The following MAIP1 variants were observed in gnomAD, a reference collection of about 807,000 sequenced individuals.
MAIP1 encodes m-AAA protease-interacting protein 1, mitochondrial.
Under a neutral mutation model 31.2 loss-of-function variants are expected in MAIP1, and 28 were observed. The ratio of observed to expected loss-of-function variants is 0.90; its 90% CI spans 0.67 to 1.23. The LOEUF (loss-of-function observed/expected upper bound fraction) is 1.23. Ranked by LOEUF, MAIP1 falls within the 50% of genes most tolerant of loss-of-function variation. The probability of loss-of-function intolerance (pLI) is 0.00; values close to 1 mark genes in which losing one functional copy is unlikely to be tolerated. For synonymous variants in MAIP1, 142 were observed against 142.3 expected, an observed-to-expected ratio of 1.00 and a Z score of 0.02; for missense variants, 339 against 356.0, an observed-to-expected ratio of 0.95 and a Z score of 0.38.
Position 199,964,106 on chromosome 2 carries a change from T to C in MAIP1, c.*295T>C, listed in dbSNP as rs1033187307. 4 of 181,714 alleles carry C rather than the reference T, an allele frequency of 2.2e-5. No individual in the cohort carries two copies. The highest frequency in any genetic ancestry group is 9.5e-5 in the African/African-American group (4 of 42,328). The allele number at this position is 181,714 out of a possible 1,614,324, so 11.3% of individuals were successfully genotyped here. On this transcript the variant is annotated 3_prime_UTR_variant, in exon 5 of 5. Coordinates refer to ENST00000392290, the MANE Select transcript of MAIP1 (RefSeq NM_001394955.1). The stretch of plus-strand genomic sequence containing the variant: ...TTTTATAGACATAATAAAGAAGGTA[T>C]TGAAAAAACTACTTACAAATTTCTT...
Position 199,961,847 on chromosome 2 carries a change from CT to C in MAIP1, c.719del (p.Leu240Ter). The C allele has an allele frequency of 1.2e-6, 2 of 1,613,994 alleles. No homozygotes were observed. Among genetic ancestry groups the C allele is most frequent in the Non-Finnish European group, 1.7e-6 (2 of 1,179,900 alleles). On this transcript the variant is annotated frameshift_variant, in exon 4 of 5. Coordinates refer to ENST00000392290, the MANE Select transcript of MAIP1 (RefSeq NM_001394955.1). LOFTEE classifies it high-confidence loss of function. ...YLTSANIPSETLRGASVFQVK... is the reference protein window; with the variant it reads ...YLTSANIPSEXLRGASVFQVK... ...ACCAGTGCCAACATCCCCAGTGAAA[CT>C]TTAAGAGGAGCCAGTGTATTCCAGG...
intron 1 of MAIP1, among the ~76,000 whole-genome samples, chr2:199,957,009 G>T (rs1483441654): frequency 2.0e-5 from 3 of 147,582 alleles, no homozygotes; most frequent in African/African-American, 7.4e-5. Context: ...CTTGGGTCCT[G>T]AGATTATTTG....
intron 2 of MAIP1, 147 bp downstream of exon 2, chr2:199,959,486 G>A: frequency 1.6e-6 from 1 of 628,070 alleles, no homozygotes; most frequent in South Asian, 2.0e-5. Flanking sequence ...GGGTACTTTG[G>A]GTCATATAAA....
intron 3 of MAIP1, among the ~76,000 whole-genome samples, chr2:199,961,211 C>A (rs1008620836): frequency 6.6e-6 from 1 of 152,074 alleles, no homozygotes; most frequent in African/African-American, 2.4e-5. Flanking sequence ...ACTTGTAATC[C>A]TAGCATTTTG....
At chr2:199,962,495 GC>G (rs1259135269) in intron 4 of MAIP1, among the ~76,000 whole-genome samples, 2 of 152,174 alleles carry the variant, frequency 1.3e-5, no homozygotes, top group African/African-American at 4.8e-5. Flanking sequence ...AAAGGGCTAT[GC>G]CCAGAATTAG....
Position 199,955,587 on chromosome 2 carries a change from CCA to C in MAIP1, c.-211_-210del. The C allele has an allele frequency of 7.3e-7, 1 of 1,378,078 alleles. No individual in the cohort carries two copies. Among genetic ancestry groups the C allele is most frequent in the Non-Finnish European group, 9.9e-7 (1 of 1,012,696 alleles). The allele number at this position is 1,378,078 out of a possible 1,614,324, so 85.4% of individuals were successfully genotyped here. Reference sequence around the variant, plus strand: ...AAAAGGTCCGCGAGGCCGGCAGACTCCAGAGTGGCTGGGTCCGAGCGCGGGGC... The same window carrying C: ...AAAAGGTCCGCGAGGCCGGCAGACTCGAGTGGCTGGGTCCGAGCGCGGGGC... On this transcript the variant is annotated 5_prime_UTR_variant, in exon 1 of 5. Coordinates refer to ENST00000392290, the MANE Select transcript of MAIP1 (RefSeq NM_001394955.1).
chr2:199,961,731 T>C, intron 3 of MAIP1, 50 bp from the exon 4 acceptor site: 1 of 1,513,700 alleles, frequency 6.6e-7, no homozygotes, highest in Non-Finnish European at 9.0e-7. Flanking sequence ...ATATGGATGA[T>C]AGATTATTTT....
chr2:199,960,653 A>G (rs1031967763), intron 3 of MAIP1, among the ~76,000 whole-genome samples: 1 of 152,254 alleles, frequency 6.6e-6, no homozygotes, highest in Admixed American at 6.5e-5. Context: ...GAGATGATTT[A>G]AAGTATACTG....
chr2:199,963,538 G>A (rs1223509173), intron 4 of MAIP1, among the ~76,000 whole-genome samples, 195 bp from the exon 5 acceptor site: 2 of 152,136 alleles, frequency 1.3e-5, no homozygotes, highest in African/African-American at 2.4e-5. Context: ...ACTTGAGAAT[G>A]TACTTCAATT....
rs760516868 is a variant in MAIP1 at position 199,955,924 on chromosome 2, C to A, written c.126C>A (p.Phe42Leu). 1.3e-6 allele frequency: 2 copies of A among 1,598,706 alleles called. No individual in the cohort carries two copies. Among genetic ancestry groups the A allele is most frequent in the East Asian group, 2.2e-5 (1 of 44,628 alleles). ...VRLPSATLCY[F>L]CRCRLGLGAA... ...TGCCGTCGGCCACACTTTGCTACTT[C>A]TGCCGCTGTCGCCTCGGCTTGGGAG... is the stretch of plus-strand genomic sequence containing the variant. The change falls in exon 1 of 5, where the codon TTC becomes TTA. Residue 42 changes from phenylalanine to leucine, a missense_variant. Coordinates refer to ENST00000392290, the MANE Select transcript of MAIP1 (RefSeq NM_001394955.1).
chr2:199,956,673 A>G (rs1255913483), intron 1 of MAIP1, among the ~76,000 whole-genome samples: 1 of 152,266 alleles, frequency 6.6e-6, no homozygotes, highest in Non-Finnish European at 1.5e-5. Flanking sequence ...TGCTGAATAC[A>G]TTAATAAATG....
At chr2:199,955,495 A>G (rs1294294084), upstream of MAIP1, 9 of 1,611,114 alleles carry the variant, frequency 5.6e-6, no homozygotes, top group South Asian at 1.1e-5. Context: ...GCCCTCTTCC[A>G]GGTCTTCGGA....
In MAIP1 at chr2:199,963,841, T is replaced by C. The variant is rs377508003; in HGVS notation, c.*30T>C. The C allele has an allele frequency of 3.1e-5, 45 of 1,444,420 alleles. No homozygotes were observed. Among genetic ancestry groups the C allele is most frequent in the Non-Finnish European group, 4.1e-5 (42 of 1,035,804 alleles). 89.5% of individuals were successfully genotyped at this position (1,444,420 alleles called of 1,614,324 possible). A position where few individuals can be genotyped will look rare whatever the true frequency, so the allele number is the denominator to read the frequency against. On this transcript the variant is annotated 3_prime_UTR_variant, in exon 5 of 5. Coordinates refer to ENST00000392290, the MANE Select transcript of MAIP1 (RefSeq NM_001394955.1). ...CTTGGAAAAATCAGCTTATGGACTT[T>C]AGCAGTTGCTGTGAAAAACTAAGGA... is the stretch of plus-strand genomic sequence containing the variant.
At position 199,964,049 on chromosome 2, in the gene MAIP1, A is replaced by G. The variant is rs1481689726; in HGVS notation, c.*238A>G. On this transcript the variant is annotated 3_prime_UTR_variant, in exon 5 of 5. Coordinates refer to ENST00000392290, the MANE Select transcript of MAIP1 (RefSeq NM_001394955.1). ...AATACAATAGCACGTTGTTGGTGTC[A>G]TATTCAATAACATTTCCAATGCTAC... 4 of 281,408 alleles carry G rather than the reference A, an allele frequency of 1.4e-5. No individual in the cohort carries two copies. The highest frequency in any genetic ancestry group is 5.0e-5 in the Admixed American group (1 of 19,878). The allele number at this position is 281,408 out of a possible 1,614,324, so 17.4% of individuals were successfully genotyped here.
At chr2:199,955,506 A>G (rs1388241141), upstream of MAIP1, 10 of 1,608,132 alleles carry the variant, frequency 6.2e-6, no homozygotes, top group African/African-American at 8.0e-5. Flanking sequence ...GGTCTTCGGA[A>G]CTTCGGCTCT....
intron 4 of MAIP1, among the ~76,000 whole-genome samples, chr2:199,962,314 T>G (rs1314935776): frequency 6.6e-6 from 1 of 152,198 alleles, no homozygotes; most frequent in Non-Finnish European, 1.5e-5. Flanking sequence ...ATTTCCACAG[T>G]GACTTCTTAA....
At chr2:199,956,349 T>A in intron 1 of MAIP1, 101 bp downstream of exon 1, 1 of 931,678 alleles carries the variant, frequency 1.1e-6, no homozygotes, top group Non-Finnish European at 1.6e-6. Flanking sequence ...ATACAAGTGA[T>A]CAAACGTGAT....
In MAIP1 at chr2:199,963,772, GAC is replaced by G. The variant is rs763049180; in HGVS notation, c.838_839del (p.Thr280HisfsTer5). On this transcript the variant is annotated frameshift_variant, in exon 5 of 5. Transcript: ENST00000392290. LOFTEE classifies it high-confidence loss of function. ...EFTQGVKPDW[T>X]IARIEHSKLL... The stretch of plus-strand genomic sequence containing the variant: ...TCACACAAGGAGTAAAGCCTGACTG[GAC>G]CATTGCACGGATTGAACACTCAAAA... The G allele has an allele frequency of 1.2e-5, 19 of 1,610,656 alleles. No homozygotes were observed. The highest frequency in any genetic ancestry group is 1.5e-5 in the Non-Finnish European group (18 of 1,177,300).
rs907165131 is a variant in MAIP1 at position 199,962,180 on chromosome 2, T to C, written c.797+252T>C. 2.6e-4 allele frequency among the ~76,000 whole-genome samples: 40 copies of C among 152,230 alleles called. 1 individual carries two copies. Among genetic ancestry groups the C allele is most frequent in the Admixed American group, 1.6e-3 (24 of 15,278 alleles). Reference sequence around the variant, plus strand: ...GCTTAACAAACTACCCCCAAATTCATTGGCTTCAAACAGCCATTGACTTTG... The same window carrying C: ...GCTTAACAAACTACCCCCAAATTCACTGGCTTCAAACAGCCATTGACTTTG... On this transcript the variant is annotated intron_variant, in intron 4 of 4. Coordinates refer to ENST00000392290, the MANE Select transcript of MAIP1 (RefSeq NM_001394955.1).
Sources: gnomAD v4.1 joint callset for allele counts (sites outside exome capture counted in the v4.1 genomes callset) on GRCh38, gnomAD v4.1.1 for gene constraint, MANE v1.5 for transcripts, NCBI Gene and HGNC (gene_info 2026-07-23, HGNC 2026-07-21) for gene names.